ATP12A: variants seen among roughly 807,000 people sequenced by gnomAD.
ATP12A encodes ATPase H+/K+ transporting non-gastric alpha2 subunit.
In ATP12A, 81 loss-of-function variants were observed where a neutral mutation model predicts 111.2. That is an observed-to-expected ratio of 0.73 (90% CI 0.61 to 0.88). The LOEUF is 0.88. Among genes scored for constraint, ATP12A ranks in the 40% least tolerant of loss-of-function variants. ATP12A has a pLI of 0.00. For synonymous variants in ATP12A, 498 were observed against 499.8 expected, an observed-to-expected ratio of 1.00 and a Z score of 0.05; for missense variants, 1,196 against 1,313.1, an observed-to-expected ratio of 0.91 and a Z score of 1.38.
Position 24,710,848 on chromosome 13 carries a change from C to T in ATP12A, c.2954C>T (p.Ser985Phe), listed in dbSNP as rs374565037. Residue 985 changes from serine (S) to phenylalanine (F), a missense_variant, in exon 21 of 23, where the codon TCC (serine) becomes TTC (phenylalanine). Coordinates refer to ENST00000381946, the MANE Select transcript of ATP12A (RefSeq NM_001676.7). ...TSQIIIGLIL[S>F]YGLGSVTALS... ...CAGATCATCATTGGTCTGATCCTCT[C>T]CTATGGCCTCGGAAGTGTCACAGCC... 2.3e-4 allele frequency: 374 copies of T among 1,614,102 alleles called. No individual in the cohort carries two copies. The highest frequency in any genetic ancestry group is 3.0e-4 in the Non-Finnish European group (355 of 1,180,048).
chr13:24,688,342 C>G lies in ATP12A; in HGVS notation c.252C>G (p.Ala84=), dbSNP rs368667147. 7.0e-5 allele frequency: 113 copies of G among 1,613,700 alleles called. No individual in the cohort carries two copies. The highest frequency in any genetic ancestry group is 8.9e-5 in the Non-Finnish European group (105 of 1,179,894). Reference sequence around the variant, plus strand: ...AGGGTCTCTCCAGCACCAGAGCTGCCGAGCTCCTGGCCCGGGATGGGCCCA... The same window carrying G: ...AGGGTCTCTCCAGCACCAGAGCTGCGGAGCTCCTGGCCCGGGATGGGCCCA... ...IIMGLSSTRA[A]ELLARDGPNS... Residue 84 remains alanine, a synonymous_variant, in exon 4 of 23, where the codon GCC becomes GCG. Coordinates refer to ENST00000381946, the MANE Select transcript of ATP12A (RefSeq NM_001676.7).
chr13:24,691,835 T>C (rs201245697), intron 8 of ATP12A, among the ~76,000 whole-genome samples: 1 of 152,176 alleles, frequency 6.6e-6, no homozygotes, highest in East Asian at 1.9e-4. Flanking sequence ...TACATGATCA[T>C]TGGCCTGCTA....
chr13:24,690,845 G>A (rs1220242468), intron 7 of ATP12A, 124 bp downstream of exon 7: 1 of 1,445,250 alleles, frequency 6.9e-7, no homozygotes, highest in African/African-American at 1.4e-5. Flanking sequence ...TGGAACTGAA[G>A]GGCCTAGAGG....
At chr13:24,704,751 T>C in intron 14 of ATP12A, 1 of 212,418 alleles carries the variant, frequency 4.7e-6, no homozygotes, top group South Asian at 6.6e-5. Flanking sequence ...ACTTTTATGA[T>C]TCTTGCCTCA....
chr13:24,709,320 C>T (rs892894753), intron 17 of ATP12A, 44 bp from the exon 18 acceptor site: 1 of 1,307,670 alleles, frequency 7.6e-7, no homozygotes, highest in Non-Finnish European at 1.0e-6. Flanking sequence ...GTGGGTAGAG[C>T]AGAACATCCT....
intron 8 of ATP12A, among the ~76,000 whole-genome samples, 180 bp downstream of exon 8, chr13:24,691,430 T>G (rs7987005): frequency 0.019 from 2,821 of 152,340 alleles, 90 homozygotes; most frequent in African/African-American, 0.064. Context: ...ATTTGTCATA[T>G]TTTCAATATT....
intron 13 of ATP12A, 132 bp downstream of exon 13, chr13:24,701,054 T>C (rs747215916): frequency 4.3e-5 from 47 of 1,082,076 alleles, no homozygotes; most frequent in Non-Finnish European, 5.2e-6. Context: ...TTATTTCTAG[T>C]TTCACTGTGC....
rs536407346 is a variant in ATP12A at position 24,695,405 on chromosome 13, T to A, written c.1512+827T>A. Among the ~76,000 whole-genome samples, 11 of 152,296 alleles carry A rather than the reference T, an allele frequency of 7.2e-5. No homozygotes were observed. The East Asian group carries it at 1.9e-3, about 27-fold the overall frequency. ...AGTCAGCCATCACAGCCTCCCCATG[T>A]TAAGACAAATGACAGTTGGGAGCCC... is the stretch of plus-strand genomic sequence containing the variant. On this transcript the variant is annotated intron_variant, in intron 11 of 22. Coordinates refer to ENST00000381946, the MANE Select transcript of ATP12A (RefSeq NM_001676.7).
At chr13:24,698,950 C>T (rs2289902) in intron 12 of ATP12A, 100 bp downstream of exon 12, 28,734 of 1,381,924 alleles carry the variant, frequency 0.021, 540 homozygotes, top group African/African-American at 0.085. Flanking sequence ...ATGGCATCCA[C>T]GTGAAGCATG....
chr13:24,693,615 G>A (rs1010630101), intron 10 of ATP12A, among the ~76,000 whole-genome samples: 1 of 152,144 alleles, frequency 6.6e-6, no homozygotes, highest in Non-Finnish European at 1.5e-5. Flanking sequence ...GTGTGCTTCC[G>A]CTAGGAAGTT....
In ATP12A at chr13:24,688,358, G is replaced by C. The variant is rs1290130064; in HGVS notation, c.268G>C (p.Asp90His). Residue 90 changes from aspartate to histidine, a missense_variant, in exon 4 of 23, where the codon GAT (aspartate) becomes CAT (histidine). Physicochemically the swap from Asp to His is moderately conservative, Grantham distance 81. Coordinates refer to ENST00000381946, the MANE Select transcript of ATP12A (RefSeq NM_001676.7). ...STRAAELLARDGPNSLTPPKQ... is the reference protein window; with the variant it reads ...STRAAELLARHGPNSLTPPKQ... ...CAGAGCTGCCGAGCTCCTGGCCCGG[G>C]ATGGGCCCAACTCCCTCACCCCTCC... 4.3e-6 allele frequency: 7 copies of C among 1,613,922 alleles called. No homozygotes were observed. The highest frequency in any genetic ancestry group is 1.3e-5 in the African/African-American group (1 of 74,930).
rs769407817 is a variant in ATP12A, at chr13:24,702,028, A to G, written c.1975A>G (p.Ile659Val). The G allele has an allele frequency of 4.3e-6, 7 of 1,614,254 alleles. No homozygotes were observed. Among genetic ancestry groups the G allele is most frequent in the South Asian group, 2.2e-5 (2 of 91,092 alleles). The change falls in exon 14 of 23, where the codon ATT (isoleucine) becomes GTT (valine). Residue 659 changes from isoleucine to valine, a missense_variant. Ile to Val is a conservative substitution (Grantham distance 29). This residue lies in a region of ATP12A where 1,126 missense variants were observed against 1,228.5 expected (regional missense o/e 0.92). Transcript: ENST00000381946. ...AGCCAACAGTGAAACAGTGGAAGAC[A>G]TTGCACATCGCCTCAACATTGCTGT... ...ISANSETVED[I>V]AHRLNIAVEQ...
Position 24,709,675 on chromosome 13 carries a change from T to C in ATP12A, c.2618-8T>C. 3 of 1,614,002 alleles carry C rather than the reference T, an allele frequency of 1.9e-6. No homozygotes were observed. Among genetic ancestry groups the C allele is most frequent in the Non-Finnish European group, 1.7e-6 (2 of 1,179,872 alleles). Reference sequence around the variant, plus strand: ...AGAACCTGTGTCCTATCTCTCTTGTTCTTTCAGGCCTCATGCAAGCCCTGG... The same window carrying C: ...AGAACCTGTGTCCTATCTCTCTTGTCCTTTCAGGCCTCATGCAAGCCCTGG... On this transcript the variant is annotated splice_region_variant and splice_polypyrimidine_tract_variant and intron_variant, in intron 18 of 22. Coordinates refer to ENST00000381946, the MANE Select transcript of ATP12A (RefSeq NM_001676.7).
chr13:24,690,934 C>T (rs1566071360), intron 7 of ATP12A, 48 bp from the exon 8 acceptor site: 1 of 1,606,414 alleles, frequency 6.2e-7, no homozygotes, highest in East Asian at 2.2e-5. Context: ...GGCTGCACAC[C>T]CCTCCTGGCT....
At chr13:24,708,844 G>A (rs1255364719) in intron 17 of ATP12A, among the ~76,000 whole-genome samples, 1 of 146,698 alleles carries the variant, frequency 6.8e-6, no homozygotes, top group Non-Finnish European at 1.5e-5. Context: ...AAGAAAGAGA[G>A]AAAGAGAGAG....
chr13:24,711,564 A>C lies in ATP12A; in HGVS notation c.*42A>C, dbSNP rs1875973745. 1 of 1,612,648 alleles carries C rather than the reference A, an allele frequency of 6.2e-7. No homozygotes were observed. The highest frequency in any genetic ancestry group is 8.5e-7 in the Non-Finnish European group (1 of 1,178,762). On this transcript the variant is annotated 3_prime_UTR_variant, in exon 23 of 23. Transcript: ENST00000381946. ...ATGTCTCTCAGCAGCACGTTGGGGC[A>C]CACTTGTTCATCTTCTGACCGTTTG...
At chr13:24,702,650 A>T (rs527238761) in intron 14 of ATP12A, among the ~76,000 whole-genome samples, 1 of 152,146 alleles carries the variant, frequency 6.6e-6, no homozygotes, top group Non-Finnish European at 1.5e-5. Context: ...CTGTACATTC[A>T]CTCATGTATT....
rs377438653 is a variant in ATP12A at position 24,710,785 on chromosome 13, C to T, written c.2898-7C>T. 5.1e-5 allele frequency: 82 copies of T among 1,613,720 alleles called. No homozygotes were observed. The highest frequency in any genetic ancestry group is 6.8e-5 in the Non-Finnish European group (80 of 1,179,744). ...CCCAAGTCTGTCTGCTTTTGTGTGT[C>T]TTGCAGAAATAAAGTCATCTGGGTG... On this transcript the variant is annotated splice_polypyrimidine_tract_variant and splice_region_variant and intron_variant, in intron 20 of 22. Coordinates refer to ENST00000381946, the MANE Select transcript of ATP12A (RefSeq NM_001676.7).
intron 3 of ATP12A, among the ~76,000 whole-genome samples, chr13:24,686,155 G>T (rs1046549293): frequency 6.6e-6 from 1 of 152,160 alleles, no homozygotes; most frequent in African/African-American, 2.4e-5. Context: ...AGACATTACA[G>T]GGGCCAGACG....
Sources: gnomAD v4.1 joint callset for allele counts (sites outside exome capture counted in the v4.1 genomes callset) on GRCh38, gnomAD v4.1.1 for gene constraint, gnomAD v4.1.1 regional missense constraint, MANE v1.5 for transcripts, NCBI Gene and HGNC (gene_info 2026-07-23, HGNC 2026-07-21) for gene names.